The following RBM39 variants were observed in gnomAD, a reference collection of about 807,000 sequenced individuals.
The protein encoded by RBM39 is RNA binding motif protein 39.
Under a neutral mutation model 79.6 loss-of-function variants are expected in RBM39, and 12 were observed. That is an observed-to-expected ratio of 0.15 (90% CI 0.10 to 0.24). The LOEUF (loss-of-function observed/expected upper bound fraction) is 0.24, where lower values mean the gene tolerates loss of function less well. Among genes scored for constraint, RBM39 ranks in the 10% least tolerant of loss-of-function variants. RBM39 has a pLI of 1.00. For missense variants in RBM39, 243 were observed against 653.4 expected (o/e 0.37, Z 6.85); for synonymous variants, 185 against 208.4 (o/e 0.89, Z 0.97).
intron 8 of RBM39, among the ~76,000 whole-genome samples, chr20:35,723,468 G>A (rs796279404): frequency 1.2e-4 from 19 of 152,226 alleles, no homozygotes; most frequent in African/African-American, 4.6e-4. Flanking sequence ...ACACAGTCTT[G>A]GTTCTTGTCG....
At position 35,702,311 on chromosome 20, in the gene RBM39, AG is replaced by A. The variant is rs2035320987; in HGVS notation, c.*2169del. On this transcript the variant is annotated 3_prime_UTR_variant, in exon 17 of 17. Coordinates refer to ENST00000253363, the MANE Select transcript of RBM39 (RefSeq NM_184234.3). Reference sequence around the variant, plus strand: ...TTTCGAACCAGTGGGATGCTGACTCAGGAACTGATTGGACATAAACAGTTTC... The same window carrying A: ...TTTCGAACCAGTGGGATGCTGACTCAGAACTGATTGGACATAAACAGTTTC... 6.6e-6 allele frequency: 1 copy of A among 152,274 alleles called. No homozygotes were observed. The highest frequency in any genetic ancestry group is 2.4e-5 in the African/African-American group (1 of 41,470). 9.4% of individuals were successfully genotyped at this position (152,274 alleles called of 1,614,324 possible).
chr20:35,741,270 G>A (rs988444629), intron 1 of RBM39, among the ~76,000 whole-genome samples: 1 of 151,608 alleles, frequency 6.6e-6, no homozygotes, highest in African/African-American at 2.4e-5. Context: ...CTAACCTCAA[G>A]TGATCCGCCT....
At chr20:35,734,248 GAA>G in intron 3 of RBM39, 1 of 1,303,464 alleles carries the variant, frequency 7.7e-7, no homozygotes, top group Non-Finnish European at 1.0e-6. Flanking sequence ...CAAGGAGGCA[GAA>G]AGTTTGTCTA....
intron 10 of RBM39, among the ~76,000 whole-genome samples, chr20:35,716,301 T>C (rs2037123286): frequency 6.6e-6 from 1 of 152,182 alleles, no homozygotes; most frequent in Non-Finnish European, 1.5e-5. Flanking sequence ...CTCAAACTCC[T>C]AATCTCAGGT....
chr20:35,728,284 G>A (rs1212634752), intron 6 of RBM39, among the ~76,000 whole-genome samples: 1 of 152,170 alleles, frequency 6.6e-6, no homozygotes, highest in Non-Finnish European at 1.5e-5. Flanking sequence ...AAAGTTAAGT[G>A]TAAAGTTTGA....
intron 12 of RBM39, among the ~76,000 whole-genome samples, chr20:35,712,446 AAAAAAAAAAAAAAG>A (rs1183089340): frequency 1.5e-4 from 20 of 136,970 alleles, no homozygotes; most frequent in Non-Finnish European, 2.8e-4. Flanking sequence ...AAAAAAAAAA[AAAAAAAAAAAAAAG>A]GGGGCGGGGG....
At position 35,709,207 on chromosome 20, in the gene RBM39, TGAACACTTCA is replaced by T; in HGVS notation, c.1225+7_1225+16del. 1 of 1,581,522 alleles carries T rather than the reference TGAACACTTCA, an allele frequency of 6.3e-7. No homozygotes were observed. The highest frequency in any genetic ancestry group is 2.2e-5 in the East Asian group (1 of 44,716). On this transcript the variant is annotated splice_region_variant and intron_variant, in intron 13 of 16. Transcript: ENST00000253363. ...ATTTCAAAGACAAAAATAAAAAATA[TGAACACTTCA>T]ACTCACCTTCAGTCTGCTGGGAAAG...
At chr20:35,720,961 G>GT (rs1178948478) in intron 9 of RBM39, among the ~76,000 whole-genome samples, 3 of 147,396 alleles carry the variant, frequency 2.0e-5, no homozygotes, top group Non-Finnish European at 4.5e-5. Context: ...CTTTTTAAAG[G>GT]TAAGGGTCTC....
At position 35,742,090 on chromosome 20, in the gene RBM39, A is replaced by C; in HGVS notation, c.-163T>G. The C allele has an allele frequency of 6.0e-6, 1 of 167,094 alleles. No individual in the cohort carries two copies. The highest frequency in any genetic ancestry group is 1.3e-5 in the Non-Finnish European group (1 of 75,462). The allele number at this position is 167,094 out of a possible 1,614,324, so 10.4% of individuals were successfully genotyped here. A position where few individuals can be genotyped will look rare whatever the true frequency, so the allele number is the denominator to read the frequency against. On this transcript the variant is annotated 5_prime_UTR_variant, in exon 1 of 17. Transcript: ENST00000253363. ...CCGCCCAGCCCGAATATCGGGTTCC[A>C]AGGACGGCTAGGCCCGAGAGAATCT...
chr20:35,741,023 C>CTTTTTTT, intron 1 of RBM39, 136 bp from the exon 2 acceptor site: 2 of 83,942 alleles, frequency 2.4e-5, no homozygotes, highest in South Asian at 3.8e-4. Flanking sequence ...CGTGAGTAAA[C>CTTTTTTT]ATTTTTCTTT....
At chr20:35,710,628 C>T (rs1054539684) in intron 12 of RBM39, 1 of 152,118 alleles carries the variant, frequency 6.6e-6, no homozygotes, top group African/African-American at 2.4e-5. Context: ...GATGACCCAT[C>T]CCTAGTTTCA....
chr20:35,705,087 A>T lies in RBM39; in HGVS notation c.1413+138T>A, dbSNP rs1241721593. 7.7e-6 allele frequency: 5 copies of T among 651,508 alleles called. No homozygotes were observed. The East Asian group carries it at 1.4e-4, about 19-fold the overall frequency. 40.4% of individuals were successfully genotyped at this position (651,508 alleles called of 1,614,324 possible). ...ATTTTGGAGGGTTTATTTAGCCACTATATTAAAGCTACTTTCAGGCACACA... is the reference window on the plus strand; with the variant it reads ...ATTTTGGAGGGTTTATTTAGCCACTTTATTAAAGCTACTTTCAGGCACACA... On this transcript the variant is annotated intron_variant, in intron 15 of 16. Transcript: ENST00000253363.
chr20:35,729,008 G>A (rs1013219369), intron 6 of RBM39, among the ~76,000 whole-genome samples: 6 of 151,358 alleles, frequency 4.0e-5, no homozygotes, highest in Admixed American at 2.0e-4. Context: ...CCCAGGAGGC[G>A]GAGGTTGCAG....
At chr20:35,711,261 T>C (rs900696582) in intron 12 of RBM39, among the ~76,000 whole-genome samples, 1 of 152,074 alleles carries the variant, frequency 6.6e-6, no homozygotes, top group Non-Finnish European at 1.5e-5. Flanking sequence ...CAAAGAACAT[T>C]ATGAACAATG....
rs139832750 is a variant in RBM39, at chr20:35,703,907, T to A, written c.*574A>T. On this transcript the variant is annotated 3_prime_UTR_variant, in exon 17 of 17. Transcript: ENST00000253363. ...GAATTTTAAGACACACCAGAACACA[T>A]AGTATTTACAAAGAAACTTTTACAG... 1 of 152,470 alleles carries A rather than the reference T, an allele frequency of 6.6e-6. No individual in the cohort carries two copies. Among genetic ancestry groups the A allele is most frequent in the Admixed American group, 6.5e-5 (1 of 15,314 alleles). The allele number at this position is 152,470 out of a possible 1,614,324, so 9.4% of individuals were successfully genotyped here.
At position 35,712,418 on chromosome 20, in the gene RBM39, G is replaced by A. The variant is rs573385313; in HGVS notation, c.1174+601C>T. 2.8e-4 allele frequency among the ~76,000 whole-genome samples: 30 copies of A among 106,758 alleles called. No individual in the cohort carries two copies. In the South Asian group the frequency reaches 9.5e-3, roughly 34 times the overall value. The allele number at this position is 106,758 out of a possible 152,430, so 70.0% of individuals were successfully genotyped here. On this transcript the variant is annotated intron_variant, in intron 12 of 16. Transcript: ENST00000253363. ...ACTGCACTCCAGCCTGGGCAACAGA[G>A]CAAGTCTACTGTTATCCAAAAAAAA...
rs915789563 is a variant in RBM39, at chr20:35,731,832, C to T, written c.296+109G>A. The T allele has an allele frequency of 1.3e-5, 13 of 1,004,894 alleles. No individual in the cohort carries two copies. The South Asian group carries it at 1.8e-4, about 14-fold the overall frequency. 62.2% of individuals were successfully genotyped at this position (1,004,894 alleles called of 1,614,324 possible). A position where few individuals can be genotyped will look rare whatever the true frequency, so the allele number is the denominator to read the frequency against. ...ATATCCTTAATTCAATACTTTTTAA[C>T]CAATCATTAAAAAAATAAAAATTCA... On this transcript the variant is annotated intron_variant, in intron 4 of 16. Transcript: ENST00000253363.
chr20:35,703,378 G>A lies in RBM39; in HGVS notation c.*1103C>T, dbSNP rs543019142. 8 of 152,208 alleles carry A rather than the reference G, an allele frequency of 5.3e-5. No individual in the cohort carries two copies. The highest frequency in any genetic ancestry group is 1.9e-4 in the African/African-American group (8 of 41,520). 9.4% of individuals were successfully genotyped at this position (152,208 alleles called of 1,614,324 possible). A position where few individuals can be genotyped will look rare whatever the true frequency, so the allele number is the denominator to read the frequency against. Reference sequence around the variant, plus strand: ...CAAGAATGCCCAGGTTTTAAGGCCAGGCTGTTTCCTTTTCTTTTTGGTAAA... The same window carrying A: ...CAAGAATGCCCAGGTTTTAAGGCCAAGCTGTTTCCTTTTCTTTTTGGTAAA... On this transcript the variant is annotated 3_prime_UTR_variant, in exon 17 of 17. Coordinates refer to ENST00000253363, the MANE Select transcript of RBM39 (RefSeq NM_184234.3).
chr20:35,717,283 A>T (rs1429901876), intron 9 of RBM39, among the ~76,000 whole-genome samples: 1 of 152,068 alleles, frequency 6.6e-6, no homozygotes, highest in Non-Finnish European at 1.5e-5. Context: ...TGGTCTCAAA[A>T]AACAAAACAA....
Sources: allele counts gnomAD v4.1 joint callset (sites outside exome capture counted in the v4.1 genomes callset), GRCh38; gene constraint gnomAD v4.1.1; transcripts MANE v1.5; gene names NCBI Gene and HGNC (gene_info 2026-07-23, HGNC 2026-07-21).